ROBO1: variants seen among roughly 807,000 people sequenced by gnomAD.
ROBO1 encodes roundabout guidance receptor 1.
A neutral mutation model predicts 195.9 loss-of-function variants in ROBO1; 149 were observed. The ratio of observed to expected loss-of-function variants is 0.76; its 90% CI spans 0.67 to 0.87. The LOEUF (loss-of-function observed/expected upper bound fraction) is 0.87, where lower values mean the gene tolerates loss of function less well. Ranked by LOEUF, ROBO1 falls within the 40% of genes least tolerant of loss-of-function variation. The probability of loss-of-function intolerance (pLI) is 0.00; values close to 1 mark genes in which losing one functional copy is unlikely to be tolerated. For missense variants in ROBO1, 1,933 were observed against 2,068.3 expected (o/e 0.93, Z 1.27); for synonymous variants, 816 against 733.2 (o/e 1.11, Z -1.82).
intron 2 of ROBO1, among the ~76,000 whole-genome samples, chr3:79,561,242 T>C (rs2107710768): frequency 1.3e-5 from 2 of 152,332 alleles, no homozygotes; most frequent in South Asian, 4.1e-4. Flanking sequence ...GTTAAAAACG[T>C]ACACTTTGAG....
At chr3:79,550,421 T>A (rs1032073912) in intron 2 of ROBO1, among the ~76,000 whole-genome samples, 9 of 152,122 alleles carry the variant, frequency 5.9e-5, no homozygotes, top group Admixed American at 5.2e-4. Flanking sequence ...TTACAGAGAA[T>A]TCTCTCAAAA....
chr3:79,522,890 A>G (rs1285221096), intron 2 of ROBO1, among the ~76,000 whole-genome samples: 1 of 152,154 alleles, frequency 6.6e-6, no homozygotes, highest in African/African-American at 2.4e-5. Context: ...TCATACCTAT[A>G]AAAGGATTCA....
chr3:79,709,671 G>A (rs1338834234), intron 1 of ROBO1, among the ~76,000 whole-genome samples: 2 of 150,700 alleles, frequency 1.3e-5, no homozygotes, highest in East Asian at 1.9e-4. Context: ...GCATGAAAAC[G>A]CTTTTGTTAT....
At chr3:79,273,857 G>A (rs2030787884) in intron 2 of ROBO1, among the ~76,000 whole-genome samples, 1 of 151,914 alleles carries the variant, frequency 6.6e-6, no homozygotes, top group Non-Finnish European at 1.5e-5. Flanking sequence ...AGACAAAACA[G>A]ATTTAAAAAA....
At chr3:78,774,892 T>G (rs1314348863) in intron 4 of ROBO1, among the ~76,000 whole-genome samples, 1 of 152,226 alleles carries the variant, frequency 6.6e-6, no homozygotes, top group Non-Finnish European at 1.5e-5. Flanking sequence ...TTTAATAGAC[T>G]TCTACCAAAT....
chr3:79,364,782 C>A (rs1442261826), intron 2 of ROBO1, among the ~76,000 whole-genome samples: 1 of 152,102 alleles, frequency 6.6e-6, no homozygotes, highest in Non-Finnish European at 1.5e-5. Context: ...GTGATTCATA[C>A]GTCCGATACC....
At chr3:79,240,921 G>A (rs1384385589) in intron 2 of ROBO1, among the ~76,000 whole-genome samples, 1 of 152,182 alleles carries the variant, frequency 6.6e-6, no homozygotes, top group Admixed American at 6.5e-5. Flanking sequence ...AGGATTATAG[G>A]CATGAACACC....
intron 2 of ROBO1, among the ~76,000 whole-genome samples, chr3:79,199,165 T>A (rs189915361): frequency 4.1e-4 from 62 of 151,916 alleles, no homozygotes; most frequent in Middle Eastern, 3.4e-3. Context: ...TGGAAGTTAA[T>A]AAATGAAGTA....
intron 1 of ROBO1, among the ~76,000 whole-genome samples, chr3:79,680,908 T>A (rs1236239384): frequency 6.6e-6 from 1 of 151,822 alleles, no homozygotes; most frequent in Non-Finnish European, 1.5e-5. Context: ...GTAGAAATGG[T>A]GGTCAGAGAG....
chr3:78,963,494 G>GTTTTTTTTTTTTTTTTTT lies in ROBO1; in HGVS notation c.173-24585_173-24568dup, dbSNP rs750158094. ...GAGAAGATCCAGAGGAAAACCTTCA[G>GTTTTTTTTTTTTTTTTTT]TTTTTTTTTTTTTTTTTTTTTTTTT... On this transcript the variant is annotated intron_variant, in intron 3 of 30. Coordinates refer to ENST00000464233, the MANE Select transcript of ROBO1 (RefSeq NM_002941.4). 2.1e-4 allele frequency among the ~76,000 whole-genome samples: 15 copies of GTTTTTTTTTTTTTTTTTT among 72,304 alleles called. 3 individuals carry two copies. The highest frequency in any genetic ancestry group is 9.9e-4 in the East Asian group (2 of 2,016). 47.4% of individuals were successfully genotyped at this position (72,304 alleles called of 152,430 possible). A position where few individuals can be genotyped will look rare whatever the true frequency, so the allele number is the denominator to read the frequency against.
At chr3:79,153,623 T>C (rs2080809521) in intron 2 of ROBO1, among the ~76,000 whole-genome samples, 2 of 151,100 alleles carry the variant, frequency 1.3e-5, no homozygotes, top group African/African-American at 4.8e-5. Flanking sequence ...GAAATAATAA[T>C]CTGACAAAGT....
intron 4 of ROBO1, among the ~76,000 whole-genome samples, chr3:78,813,161 C>G (rs2084794383): frequency 6.6e-6 from 1 of 151,942 alleles, no homozygotes; most frequent in Admixed American, 6.6e-5. Context: ...AAAACAAACA[C>G]AATTTAGCCA....
At chr3:79,744,075 G>T (rs1473713312) in intron 1 of ROBO1, among the ~76,000 whole-genome samples, 2 of 152,054 alleles carry the variant, frequency 1.3e-5, no homozygotes, top group African/African-American at 4.8e-5. Flanking sequence ...ATACATATTT[G>T]CATGTGCTTC....
At chr3:79,035,335 T>C (rs2108314670) in intron 3 of ROBO1, among the ~76,000 whole-genome samples, 1 of 152,324 alleles carries the variant, frequency 6.6e-6, no homozygotes, top group South Asian at 2.1e-4. Context: ...GGTAGGTCTG[T>C]CACTTTTACG....
intron 1 of ROBO1, among the ~76,000 whole-genome samples, chr3:79,650,498 G>T (rs535767466): frequency 6.6e-6 from 1 of 151,500 alleles, no homozygotes; most frequent in South Asian, 2.1e-4. Flanking sequence ...AATTTTGATG[G>T]TAAAATACAT....
intron 2 of ROBO1, among the ~76,000 whole-genome samples, chr3:79,303,314 C>T (rs901192332): frequency 5.3e-5 from 8 of 151,872 alleles, no homozygotes; most frequent in East Asian, 1.9e-4. Context: ...CTAAGGCATG[C>T]GCCACCATGC....
intron 2 of ROBO1, among the ~76,000 whole-genome samples, chr3:79,206,472 C>T (rs912986237): frequency 2.6e-5 from 4 of 151,998 alleles, no homozygotes; most frequent in African/African-American, 4.8e-5. Flanking sequence ...ATGGCAAGAA[C>T]GAATCCATAT....
rs754555661 is a variant in ROBO1, at chr3:78,717,749, A to G, written c.778+14T>C. On this transcript the variant is annotated intron_variant, in intron 6 of 30. Transcript: ENST00000464233. ...CTATTTTTCAATGAGAAGATTAAATAAAATTACACTTACCTAAGACAGTCA... is the reference window on the plus strand; with the variant it reads ...CTATTTTTCAATGAGAAGATTAAATGAAATTACACTTACCTAAGACAGTCA... 82 of 1,609,846 alleles carry G rather than the reference A, an allele frequency of 5.1e-5. No individual in the cohort carries two copies. The highest frequency in any genetic ancestry group is 6.3e-5 in the Non-Finnish European group (74 of 1,178,028).
At chr3:78,694,938 C>T (rs188183216) in intron 8 of ROBO1, among the ~76,000 whole-genome samples, 2 of 151,910 alleles carry the variant, frequency 1.3e-5, no homozygotes, top group Admixed American at 1.3e-4. Context: ...CACGTATTTT[C>T]AGTAATTTAA....
Sources: allele counts gnomAD v4.1 joint callset (sites outside exome capture counted in the v4.1 genomes callset), GRCh38; gene constraint gnomAD v4.1.1; transcripts MANE v1.5; gene names NCBI Gene and HGNC (gene_info 2026-07-23, HGNC 2026-07-21).